IL1RAPL2: variants seen among roughly 807,000 people sequenced by gnomAD.
The protein encoded by IL1RAPL2 is X-linked interleukin-1 receptor accessory protein-like 2.
IL1RAPL2 carries 3 observed loss-of-function variants against 44.1 expected under a neutral mutation model. That is an observed-to-expected ratio of 0.07 (90% CI 0.03 to 0.18). The LOEUF (loss-of-function observed/expected upper bound fraction) is 0.18, where lower values mean the gene tolerates loss of function less well. IL1RAPL2 is among the 10% of genes least tolerant of loss of function. The probability of loss-of-function intolerance (pLI) is 1.00; values close to 1 mark genes in which losing one functional copy is unlikely to be tolerated. For synonymous variants in IL1RAPL2, 181 were observed against 178.8 expected (o/e 1.01, Z -0.10); for missense variants, 391 against 496.4 (o/e 0.79, Z 2.02).
chrX:104,777,899 A>G (rs762050819), intron 2 of IL1RAPL2, among the ~76,000 whole-genome samples: 2 of 111,284 alleles, frequency 1.8e-5, no homozygotes, highest in East Asian at 5.6e-4. Context: ...GAGTTGCTGC[A>G]TCATATGGTA....
chrX:105,307,712 T>C (rs1415117876), intron 5 of IL1RAPL2, among the ~76,000 whole-genome samples: 3 of 87,400 alleles, frequency 3.4e-5, no homozygotes, highest in African/African-American at 4.4e-5. Context: ...GTTTGATTAC[T>C]TGATGAAGGT....
At chrX:104,712,346 C>T (rs1931475843) in intron 2 of IL1RAPL2, among the ~76,000 whole-genome samples, 1 of 110,513 alleles carries the variant, frequency 9.0e-6, no homozygotes, top group South Asian at 3.8e-4. Flanking sequence ...ATTTTTGCCT[C>T]CAAGGCCAGA....
intron 2 of IL1RAPL2, among the ~76,000 whole-genome samples, chrX:105,112,459 G>T: frequency 8.9e-6 from 1 of 112,142 alleles, no homozygotes; most frequent in East Asian, 2.8e-4. Flanking sequence ...TTAAAGTAGG[G>T]CCTTTATAAG....
chrX:105,192,110 T>G (rs1367987881), intron 2 of IL1RAPL2, among the ~76,000 whole-genome samples: 1 of 112,216 alleles, frequency 8.9e-6, no homozygotes, highest in African/African-American at 3.2e-5. Context: ...GCGGCCCCAA[T>G]TGATCAGTAG....
intron 5 of IL1RAPL2, among the ~76,000 whole-genome samples, chrX:105,328,851 G>A (rs925464891): frequency 1.8e-5 from 2 of 112,211 alleles, no homozygotes; most frequent in East Asian, 5.6e-4. Flanking sequence ...TAGCCTAGGA[G>A]TAGTAATAGG....
At chrX:104,885,259 A>C (rs1230752625) in intron 2 of IL1RAPL2, among the ~76,000 whole-genome samples, 1 of 111,951 alleles carries the variant, frequency 8.9e-6, no homozygotes, top group East Asian at 2.8e-4. Context: ...CCTACTGGTC[A>C]GCAAGCCATC....
chrX:105,671,900 G>A (rs916791360), intron 6 of IL1RAPL2, among the ~76,000 whole-genome samples: 7 of 110,207 alleles, frequency 6.4e-5, no homozygotes, highest in Non-Finnish European at 1.1e-4. Context: ...TTTTCAGTTC[G>A]ATGGTTTATT....
chrX:105,158,745 A>G lies in IL1RAPL2; in HGVS notation c.83-36730A>G, dbSNP rs1370171891. On this transcript the variant is annotated intron_variant, in intron 2 of 10. Transcript: ENST00000372582. ...TAGATTTTCAGGGGGTGGCTTGAAT[A>G]GGAAAAGGGAACTCTTTTAGAGAGT... Among the ~76,000 whole-genome samples the G allele has an allele frequency of 4.5e-5, 5 of 112,150 alleles. No individual in the cohort carries two copies. The Admixed American group carries it at 4.7e-4, about 11-fold the overall frequency.
At chrX:104,605,052 G>A (rs1021764841) in intron 1 of IL1RAPL2, among the ~76,000 whole-genome samples, 1 of 111,588 alleles carries the variant, frequency 9.0e-6, no homozygotes, top group Non-Finnish European at 1.9e-5. Context: ...TTCAAAAACT[G>A]ACTGCATAAT....
At chrX:105,559,664 C>G (rs2036919846) in intron 6 of IL1RAPL2, among the ~76,000 whole-genome samples, 1 of 111,805 alleles carries the variant, frequency 8.9e-6, no homozygotes, top group South Asian at 3.7e-4. Context: ...TTGAAACTAT[C>G]ACTTGGCTGC....
intron 2 of IL1RAPL2, among the ~76,000 whole-genome samples, chrX:104,673,473 A>C (rs187688455): frequency 0.05 from 5,586 of 110,676 alleles, 431 homozygotes; most frequent in African/African-American, 0.18. Context: ...GTTTTGGTAC[A>C]AGTACCATGC....
chrX:104,602,265 T>C (rs1450912585), intron 1 of IL1RAPL2, among the ~76,000 whole-genome samples: 1 of 111,153 alleles, frequency 9.0e-6, no homozygotes, highest in Non-Finnish European at 1.9e-5. Flanking sequence ...AGGGAAGCCG[T>C]GAGGGACTGA....
chrX:105,102,824 G>C (rs1296891650), intron 2 of IL1RAPL2, among the ~76,000 whole-genome samples: 1 of 111,536 alleles, frequency 9.0e-6, no homozygotes, highest in Non-Finnish European at 1.9e-5. Context: ...AATAGAAGTG[G>C]TGAAATGTGG....
chrX:105,730,147 A>G (rs938930403), intron 7 of IL1RAPL2, among the ~76,000 whole-genome samples: 2 of 111,385 alleles, frequency 1.8e-5, no homozygotes, highest in Admixed American at 9.6e-5. Flanking sequence ...AGACACATAT[A>G]GACTAAAAGT....
chrX:104,659,132 A>G, intron 2 of IL1RAPL2, 137 bp downstream of exon 2: 1 of 452,173 alleles, frequency 2.2e-6, no homozygotes, highest in Non-Finnish European at 3.9e-6. Context: ...AAGTAGCCAA[A>G]ATAAAAATGA....
chrX:104,696,071 G>A (rs931138717), intron 2 of IL1RAPL2, among the ~76,000 whole-genome samples: 1 of 111,835 alleles, frequency 8.9e-6, no homozygotes, highest in African/African-American at 3.3e-5. Context: ...GCCTCCCAAA[G>A]TGCTGGGATT....
chrX:105,495,472 A>G (rs1490884068), intron 6 of IL1RAPL2, among the ~76,000 whole-genome samples: 1 of 112,300 alleles, frequency 8.9e-6, no homozygotes, highest in Non-Finnish European at 1.9e-5. Flanking sequence ...TGTATATTGA[A>G]ATGTGGTGTA....
At chrX:104,899,153 GGAGA>G (rs1182223847) in intron 2 of IL1RAPL2, among the ~76,000 whole-genome samples, 2 of 111,595 alleles carry the variant, frequency 1.8e-5, no homozygotes, top group East Asian at 5.6e-4. Context: ...TGTGAAAATT[GGAGA>G]GAGCTTTTTA....
intron 2 of IL1RAPL2, among the ~76,000 whole-genome samples, chrX:104,686,924 A>C (rs1452644852): frequency 8.9e-6 from 1 of 112,192 alleles, no homozygotes; most frequent in Admixed American, 9.5e-5. Flanking sequence ...ACTAATACTC[A>C]ATGTTTACTC....
Sources: allele counts gnomAD v4.1 joint callset (sites outside exome capture counted in the v4.1 genomes callset), GRCh38; gene constraint gnomAD v4.1.1; transcripts MANE v1.5; gene names NCBI Gene and HGNC (gene_info 2026-07-23, HGNC 2026-07-21).